The following FYB2 variants were observed in gnomAD, a reference collection of about 807,000 sequenced individuals.
The protein encoded by FYB2 is FYN-binding protein 2.
A neutral mutation model predicts 94.1 loss-of-function variants in FYB2; 103 were observed. The observed-to-expected ratio is 1.09, with a 90% CI of 0.93 to 1.29. The LOEUF (loss-of-function observed/expected upper bound fraction) is 1.29. FYB2 is among the 50% of genes most tolerant of loss of function. The probability of loss-of-function intolerance (pLI) is 0.00; values close to 1 mark genes in which losing one functional copy is unlikely to be tolerated. For missense variants in FYB2, 896 were observed against 841.5 expected (o/e 1.06, Z -0.80); for synonymous variants, 293 against 287.9 (o/e 1.02, Z -0.18).
chr1:56,821,838 T>A (rs141121857), upstream of FYB2, among the ~76,000 whole-genome samples: 1 of 152,176 alleles, frequency 6.6e-6, no homozygotes, highest in South Asian at 2.1e-4. Flanking sequence ...CATGACTACA[T>A]GGGAGGGTGA....
rs1646742700 is a variant in FYB2, at chr1:56,810,455, C to T, written c.9+8827G>A. 2.0e-5 allele frequency among the ~76,000 whole-genome samples: 3 copies of T among 151,938 alleles called. No individual in the cohort carries two copies. In the South Asian group the frequency reaches 6.2e-4, roughly 32 times the overall value. Reference sequence around the variant, plus strand: ...AGTACAGAACAAGGGGCATGGGACCCACTCTGTAAACATTTAGTTCTGCTC... The same window carrying T: ...AGTACAGAACAAGGGGCATGGGACCTACTCTGTAAACATTTAGTTCTGCTC... On this transcript the variant is annotated intron_variant, in intron 1 of 19. Transcript: ENST00000343433.
chr1:56,745,053 C>T (rs1437539483), intron 9 of FYB2, among the ~76,000 whole-genome samples: 1 of 151,552 alleles, frequency 6.6e-6, no homozygotes, highest in African/African-American at 2.4e-5. Context: ...AGCGTGTAGG[C>T]CCCAAACCAT....
At chr1:56,750,572 G>A (rs940643334) in intron 9 of FYB2, among the ~76,000 whole-genome samples, 6 of 151,888 alleles carry the variant, frequency 4.0e-5, no homozygotes, top group Admixed American at 3.3e-4. Flanking sequence ...CGACTAACAC[G>A]CAGGTAAAAT....
chr1:56,815,769 T>A (rs1262975864), intron 1 of FYB2, among the ~76,000 whole-genome samples: 1 of 152,214 alleles, frequency 6.6e-6, no homozygotes, highest in Non-Finnish European at 1.5e-5. Context: ...AACTTAAGTA[T>A]ACTTCAACTA....
intron 1 of FYB2, among the ~76,000 whole-genome samples, chr1:56,801,320 C>T (rs544067501): frequency 1.3e-5 from 2 of 152,248 alleles, no homozygotes; most frequent in South Asian, 4.1e-4. Flanking sequence ...TTTTCTTCCT[C>T]AATAAGACCA....
In FYB2 at chr1:56,797,858, T is replaced by C. The variant is rs137958908; in HGVS notation, c.10-5055A>G. On this transcript the variant is annotated intron_variant, in intron 1 of 19. Transcript: ENST00000343433. ...CTGGTTTGTTTTTCTTTATAGCACC[T>C]ATCAAAACCCATCAGATGGTCTGTC... 3.1e-3 allele frequency among the ~76,000 whole-genome samples: 471 copies of C among 152,296 alleles called. 2 individuals carry two copies. The highest frequency in any genetic ancestry group is 0.011 in the African/African-American group (450 of 41,572).
At chr1:56,805,068 A>G (rs1646612208) in intron 1 of FYB2, among the ~76,000 whole-genome samples, 1 of 152,204 alleles carries the variant, frequency 6.6e-6, no homozygotes, top group African/African-American at 2.4e-5. Flanking sequence ...CCCTCCGAGC[A>G]GCTTTTTCCA....
At chr1:56,765,321 T>A (rs1194551109) in intron 5 of FYB2, among the ~76,000 whole-genome samples, 2 of 152,210 alleles carry the variant, frequency 1.3e-5, no homozygotes, top group Non-Finnish European at 2.9e-5. Context: ...GGGCATCTTG[T>A]TACTGCTGGA....
intron 9 of FYB2, among the ~76,000 whole-genome samples, chr1:56,748,515 A>T (rs1645121187): frequency 6.6e-6 from 1 of 151,982 alleles, no homozygotes; most frequent in Non-Finnish European, 1.5e-5. Flanking sequence ...TCCTTTCCTT[A>T]TTGCTTGTTT....
At chr1:56,820,073 T>TA (rs1004616768), upstream of FYB2, among the ~76,000 whole-genome samples, 9 of 151,456 alleles carry the variant, frequency 5.9e-5, no homozygotes, top group Non-Finnish European at 1.2e-4. Flanking sequence ...ACCAAAAATA[T>TA]AAAAAAAATT....
chr1:56,807,426 G>A (rs1199015083), intron 1 of FYB2, among the ~76,000 whole-genome samples: 5 of 152,164 alleles, frequency 3.3e-5, no homozygotes, highest in African/African-American at 1.2e-4. Context: ...TTTTACAGGT[G>A]TTAGATGTTT....
chr1:56,751,909 G>A (rs1645207974), intron 8 of FYB2, among the ~76,000 whole-genome samples: 1 of 152,014 alleles, frequency 6.6e-6, no homozygotes, highest in Non-Finnish European at 1.5e-5. Flanking sequence ...AGGATGAGGA[G>A]GTTGGTTCTC....
chr1:56,778,220 C>G (rs1645928175), intron 4 of FYB2, among the ~76,000 whole-genome samples: 1 of 152,186 alleles, frequency 6.6e-6, no homozygotes, highest in Admixed American at 6.5e-5. Flanking sequence ...TGGCAAGGCC[C>G]TTCTTCAGCC....
chr1:56,723,052 T>TTA (rs2100485027), intron 17 of FYB2, among the ~76,000 whole-genome samples: 1 of 152,188 alleles, frequency 6.6e-6, no homozygotes, highest in South Asian at 2.1e-4. Flanking sequence ...CATCATTCAT[T>TTA]TGTTCATTTT....
intron 12 of FYB2, 66 bp from the exon 13 acceptor site, chr1:56,740,861 G>T: frequency 2.8e-6 from 3 of 1,080,544 alleles, no homozygotes; most frequent in East Asian, 2.6e-5. Context: ...GAAGGCTGTT[G>T]TATTATAAAA....
intron 4 of FYB2, among the ~76,000 whole-genome samples, chr1:56,772,195 A>G (rs1645774116): frequency 6.6e-6 from 1 of 152,090 alleles, no homozygotes; most frequent in Non-Finnish European, 1.5e-5. Context: ...TAATTTTATT[A>G]ATAAGAAACA....
At chr1:56,764,550 A>T (rs1425517429) in intron 5 of FYB2, among the ~76,000 whole-genome samples, 5 of 147,896 alleles carry the variant, frequency 3.4e-5, no homozygotes. Context: ...TAACATTGTC[A>T]TTTTTTTTTT....
At chr1:56,810,610 G>A (rs1646746757) in intron 1 of FYB2, among the ~76,000 whole-genome samples, 1 of 152,194 alleles carries the variant, frequency 6.6e-6, no homozygotes, top group South Asian at 2.1e-4. Context: ...AAAGGGCTAA[G>A]GAAACCAAAT....
intron 1 of FYB2, among the ~76,000 whole-genome samples, chr1:56,803,397 C>T (rs760174770): frequency 1.3e-5 from 2 of 152,164 alleles, no homozygotes; most frequent in African/African-American, 2.4e-5. Flanking sequence ...TCCCTAACCA[C>T]TTCCTCACAT....
Sources: gnomAD v4.1 joint callset for allele counts (sites outside exome capture counted in the v4.1 genomes callset) on GRCh38, gnomAD v4.1.1 for gene constraint, MANE v1.5 for transcripts, NCBI Gene and HGNC (gene_info 2026-07-23, HGNC 2026-07-21) for gene names.